The following C5orf52 variants were observed in gnomAD, a reference collection of about 807,000 sequenced individuals.
The protein encoded by C5orf52 is chromosome 5 open reading frame 52.
Under a neutral mutation model 16.8 loss-of-function variants are expected in C5orf52, and 15 were observed. The observed-to-expected ratio is 0.89, with a 90% CI of 0.60 to 1.38. The LOEUF (loss-of-function observed/expected upper bound fraction) is 1.38, where lower values mean the gene tolerates loss of function less well. C5orf52 is among the 40% of genes most tolerant of loss of function. C5orf52 has a pLI of 0.00. For synonymous variants in C5orf52, 83 were observed against 87.2 expected, an observed-to-expected ratio of 0.95 and a Z score of 0.27; for missense variants, 206 against 213.1, an observed-to-expected ratio of 0.97 and a Z score of 0.21.
At chr5:157,679,737 T>C (rs1759970966) in intron 2 of C5orf52, 104 bp from the exon 3 acceptor site, 2 of 1,110,088 alleles carry the variant, frequency 1.8e-6, no homozygotes, top group Non-Finnish European at 2.5e-6. Flanking sequence ...CTGACACTTT[T>C]CCCACTCCCC....
At chr5:157,672,654 G>A (rs960753390) in intron 1 of C5orf52, among the ~76,000 whole-genome samples, 8 of 152,188 alleles carry the variant, frequency 5.3e-5, no homozygotes, top group African/African-American at 1.9e-4. Flanking sequence ...GCATAGGTCA[G>A]AAAAATGTAA....
At chr5:157,677,698 A>T (rs1031727352) in intron 2 of C5orf52, among the ~76,000 whole-genome samples, 1 of 151,652 alleles carries the variant, frequency 6.6e-6, no homozygotes, top group Non-Finnish European at 1.5e-5. Flanking sequence ...AATGGTGGTA[A>T]TAAGGTTGGG....
intron 1 of C5orf52, among the ~76,000 whole-genome samples, chr5:157,672,147 C>T (rs576024825): frequency 1.3e-5 from 2 of 152,254 alleles, no homozygotes; most frequent in East Asian, 1.9e-4. Flanking sequence ...AACATGTGGC[C>T]GCAGTGCCCT....
intron 1 of C5orf52, among the ~76,000 whole-genome samples, chr5:157,674,889 A>G (rs1759866588): frequency 6.6e-6 from 1 of 152,232 alleles, no homozygotes; most frequent in South Asian, 2.1e-4. Context: ...CTTCTGGGTA[A>G]CCATGAAATA....
Position 157,680,066 on chromosome 5 carries a change from T to A in C5orf52, c.*67T>A. The stretch of plus-strand genomic sequence containing the variant: ...AAAGGGATCTGCCCCAGGGTCACGA[T>A]GACACCAGTGTGACCCGAGGAGAAC... On this transcript the variant is annotated 3_prime_UTR_variant, in exon 3 of 3. Transcript: ENST00000409999. The A allele has an allele frequency of 6.9e-7, 1 of 1,444,652 alleles. No homozygotes were observed. The highest frequency in any genetic ancestry group is 1.3e-5 in the South Asian group (1 of 74,512). 89.5% of individuals were successfully genotyped at this position (1,444,652 alleles called of 1,614,324 possible). A position where few individuals can be genotyped will look rare whatever the true frequency, so the allele number is the denominator to read the frequency against.
intron 2 of C5orf52, among the ~76,000 whole-genome samples, chr5:157,677,167 G>T (rs1263299315): frequency 6.6e-6 from 1 of 152,156 alleles, no homozygotes; most frequent in African/African-American, 2.4e-5. Flanking sequence ...ACCATGCCCA[G>T]CCCTTTGTGG....
At chr5:157,679,359 C>T (rs905477228) in intron 2 of C5orf52, among the ~76,000 whole-genome samples, 1 of 152,058 alleles carries the variant, frequency 6.6e-6, no homozygotes, top group Non-Finnish European at 1.5e-5. Context: ...CAGTGTGAGA[C>T]AGAGTCTCAC....
Position 157,671,814 on chromosome 5 carries a change from C to T in C5orf52, c.200C>T (p.Pro67Leu), listed in dbSNP as rs1759798606. The T allele has an allele frequency of 1.3e-6, 2 of 1,535,630 alleles. No individual in the cohort carries two copies. The highest frequency in any genetic ancestry group is 2.0e-5 in the Admixed American group (1 of 49,860). ...CCGCGGCCGAGGTCCGCGCAGCAGCCGGTGCTGTTCAGGTGTGGCCCGCAT... is the reference window on the plus strand; with the variant it reads ...CCGCGGCCGAGGTCCGCGCAGCAGCTGGTGCTGTTCAGGTGTGGCCCGCAT... ...CFPRPRSAQQ[P>L]VLFSLMNSSE... Residue 67 changes from proline (P) to leucine (L), a missense_variant, in exon 1 of 3, where the codon CCG (proline) becomes CTG (leucine). Pro to Leu is a moderately conservative substitution (Grantham distance 98, BLOSUM62 -3). Coordinates refer to ENST00000409999, the MANE Select transcript of C5orf52 (RefSeq NM_001145132.2).
At chr5:157,673,235 C>T (rs1034955800) in intron 1 of C5orf52, among the ~76,000 whole-genome samples, 6 of 151,664 alleles carry the variant, frequency 4.0e-5, no homozygotes, top group African/African-American at 1.5e-4. Context: ...TACTCGGGAG[C>T]CTGAGGTGGG....
rs372789928 is a variant in C5orf52 at position 157,671,884 on chromosome 5, A to G, written c.212+58A>G. ...CCCTCGGACCCGCGAGGGAACCCTAACTCTTTGGGACTCGCGCTCCCCTTA... is the reference window on the plus strand; with the variant it reads ...CCCTCGGACCCGCGAGGGAACCCTAGCTCTTTGGGACTCGCGCTCCCCTTA... On this transcript the variant is annotated intron_variant, in intron 1 of 2. Transcript: ENST00000409999. 506 of 1,140,810 alleles carry G rather than the reference A, an allele frequency of 4.4e-4. 5 individuals are homozygous for G. In the South Asian group the frequency reaches 6.4e-3, roughly 14 times the overall value. 70.7% of individuals were successfully genotyped at this position (1,140,810 alleles called of 1,614,324 possible).
At chr5:157,671,477 A>G (rs928870993), upstream of C5orf52, 17 of 676,160 alleles carry the variant, frequency 2.5e-5, no homozygotes, top group Admixed American at 6.2e-5. Flanking sequence ...CCCGCAGCCA[A>G]TATGTGTCTC....
intron 2 of C5orf52, among the ~76,000 whole-genome samples, chr5:157,676,871 C>CTTTTTT (rs35620575): frequency 1.0e-5 from 1 of 97,136 alleles, no homozygotes; most frequent in African/African-American, 4.1e-5. Flanking sequence ...CTTTTTTTTT[C>CTTTTTT]TTTTTTTTTT....
At chr5:157,678,066 A>G (rs562684428) in intron 2 of C5orf52, among the ~76,000 whole-genome samples, 20 of 152,204 alleles carry the variant, frequency 1.3e-4, no homozygotes, top group Non-Finnish European at 1.5e-4. Context: ...TCTCAGGTGC[A>G]TGACAAAAGT....
chr5:157,675,738 C>CTGT (rs1561595471), intron 2 of C5orf52, among the ~76,000 whole-genome samples: 1 of 152,058 alleles, frequency 6.6e-6, no homozygotes, highest in Non-Finnish European at 1.5e-5. Context: ...AAACAGAAAA[C>CTGT]CAAAGTCTTG....
chr5:157,675,119 G>GA lies in C5orf52; in HGVS notation c.247dup (p.Thr83AsnfsTer14), dbSNP rs565344193. ...TAATGAATTCCAGTGAAGCAGCGAT[G>GA]AAAAAAACTTTACCCAAGAGCCATT... On this transcript the variant is annotated frameshift_variant, in exon 2 of 3. Coordinates refer to ENST00000409999, the MANE Select transcript of C5orf52 (RefSeq NM_001145132.2). LOFTEE classifies it high-confidence loss of function. 1 of 1,551,176 alleles carries GA rather than the reference G, an allele frequency of 6.4e-7. No individual in the cohort carries two copies. The highest frequency in any genetic ancestry group is 8.7e-7 in the Non-Finnish European group (1 of 1,146,482).
Position 157,675,172 on chromosome 5 carries a change from G to T in C5orf52, c.293G>T (p.Arg98Leu), listed in dbSNP as rs545174583. ...HLSRVIIHDNRITQRIYEMEV... is the reference protein window; with the variant it reads ...HLSRVIIHDNLITQRIYEMEV... ...TCTCGGGTGATTATTCATGATAACC[G>T]CATCACACAACGAATCTATGAGATG... is the stretch of plus-strand genomic sequence containing the variant. Residue 98 changes from arginine (R) to leucine (L), a missense_variant, in exon 2 of 3, where the codon CGC (arginine) becomes CTC (leucine). Transcript: ENST00000409999. 3 of 1,549,900 alleles carry T rather than the reference G, an allele frequency of 1.9e-6. No individual in the cohort carries two copies. Among genetic ancestry groups the T allele is most frequent in the South Asian group, 2.4e-5 (2 of 84,018 alleles).
intron 2 of C5orf52, among the ~76,000 whole-genome samples, chr5:157,675,713 A>C (rs1759880733): frequency 6.6e-6 from 1 of 152,084 alleles, no homozygotes; most frequent in Non-Finnish European, 1.5e-5. Context: ...CATCTCAAAA[A>C]ACAAACAAAC....
Position 157,671,658 on chromosome 5 carries a change from C to G in C5orf52, c.44C>G (p.Ser15Cys). The part of the protein sequence containing the change: ...TRPSVTCDQG[S>C]STIGGTAAQA... ...CCCTCGGTCACCTGTGACCAGGGAT[C>G]CTCCACGATCGGCGGGACCGCCGCC... Residue 15 changes from serine (S) to cysteine (C), a missense_variant, in exon 1 of 3, where the codon TCC becomes TGC. Ser to Cys is a moderately radical substitution (Grantham distance 112). Coordinates refer to ENST00000409999, the MANE Select transcript of C5orf52 (RefSeq NM_001145132.2). 1 of 1,551,478 alleles carries G rather than the reference C, an allele frequency of 6.4e-7. No homozygotes were observed. Among genetic ancestry groups the G allele is most frequent in the Non-Finnish European group, 8.7e-7 (1 of 1,146,886 alleles).
chr5:157,671,111 A>G (rs760746420), upstream of C5orf52, among the ~76,000 whole-genome samples: 1 of 152,174 alleles, frequency 6.6e-6, no homozygotes. Flanking sequence ...CCGGAAAGAC[A>G]CCAGTCTTGA....
Sources: allele counts gnomAD v4.1 joint callset (sites outside exome capture counted in the v4.1 genomes callset), GRCh38; gene constraint gnomAD v4.1.1; transcripts MANE v1.5; gene names NCBI Gene and HGNC (gene_info 2026-07-23, HGNC 2026-07-21).